Variants in UBE2D2 observed in about 807,000 individuals in gnomAD.
UBE2D2 encodes ubiquitin conjugating enzyme E2 D2, also known as ubiquitin-conjugating enzyme E2 D2.
UBE2D2 carries 2 observed loss-of-function variants against 24.2 expected under a neutral mutation model. The ratio of observed to expected loss-of-function variants is 0.08; its 90% CI spans 0.03 to 0.26. The LOEUF is 0.26. UBE2D2 is among the 10% of genes least tolerant of loss of function. The pLI, the probability that UBE2D2 is intolerant of heterozygous loss-of-function variation, is 1.00. For synonymous variants in UBE2D2, 58 were observed against 56.5 expected (o/e 1.03, Z -0.12); for missense variants, 44 against 177.6 (o/e 0.25, Z 4.28).
rs564452688 is a variant in UBE2D2 at position 139,538,184 on chromosome 5, A to G, written c.-64+11572A>G. On this transcript the variant is annotated intron_variant, in intron 1 of 6. Coordinates refer to the UBE2D2 transcript ENST00000511725. Reference sequence around the variant, plus strand: ...TTTTTAGTGGAGATGGGGTTTTGCCATGTTGGCTAGGCTGGTCTCAAACCC... The same window carrying G: ...TTTTTAGTGGAGATGGGGTTTTGCCGTGTTGGCTAGGCTGGTCTCAAACCC... Among the ~76,000 whole-genome samples the G allele has an allele frequency of 2.3e-4, 35 of 152,116 alleles. No homozygotes were observed. The South Asian group carries it at 4.8e-3, about 21-fold the overall frequency.
intron 1 of UBE2D2, among the ~76,000 whole-genome samples, chr5:139,593,587 A>G (rs546115644): frequency 1.3e-5 from 2 of 152,286 alleles, no homozygotes; most frequent in African/African-American, 4.8e-5. Flanking sequence ...ATAAACACAT[A>G]TGTAACATGT....
chr5:139,591,045 C>T (rs1435113420), intron 1 of UBE2D2, among the ~76,000 whole-genome samples: 2 of 150,514 alleles, frequency 1.3e-5, no homozygotes, highest in Non-Finnish European at 3.0e-5. Context: ...GATCCGCCTG[C>T]CTCAACATCC....
intron 5 of UBE2D2, among the ~76,000 whole-genome samples, chr5:139,616,076 C>G (rs1445300209): frequency 1.3e-5 from 2 of 150,940 alleles, no homozygotes; most frequent in African/African-American, 4.8e-5. Flanking sequence ...CCTTATGATC[C>G]ACCTGCCTCG....
intron 1 of UBE2D2, among the ~76,000 whole-genome samples, chr5:139,555,435 T>C (rs998938047): frequency 2.6e-5 from 4 of 152,076 alleles, no homozygotes; most frequent in African/African-American, 9.7e-5. Flanking sequence ...TGAAAATTAT[T>C]TGGAAATAAT....
At chr5:139,580,576 C>T (rs1367700609) in intron 1 of UBE2D2, among the ~76,000 whole-genome samples, 1 of 152,110 alleles carries the variant, frequency 6.6e-6, no homozygotes, top group Non-Finnish European at 1.5e-5. Context: ...ATTCTCCTGC[C>T]TCTGGGACCA....
chr5:139,601,861 G>T (rs1223003246), intron 2 of UBE2D2, among the ~76,000 whole-genome samples: 1 of 149,454 alleles, frequency 6.7e-6, no homozygotes, highest in Non-Finnish European at 1.5e-5. Context: ...AGTGAGCTGA[G>T]ATTGTGCCAC....
chr5:139,581,564 A>AT (rs774844843), intron 1 of UBE2D2, among the ~76,000 whole-genome samples: 21 of 151,704 alleles, frequency 1.4e-4, no homozygotes, highest in Non-Finnish European at 1.3e-4. Context: ...ATGAAATGAG[A>AT]TATCTTGGGG....
intron 2 of UBE2D2, among the ~76,000 whole-genome samples, chr5:139,604,995 G>A (rs558309681): frequency 6.6e-6 from 1 of 152,168 alleles, no homozygotes; most frequent in East Asian, 1.9e-4. Context: ...TTTGTTATAA[G>A]GAGTCAGAAT....
At chr5:139,611,785 A>G (rs2126698843) in intron 2 of UBE2D2, among the ~76,000 whole-genome samples, 1 of 152,318 alleles carries the variant, frequency 6.6e-6, no homozygotes, top group South Asian at 2.1e-4. Flanking sequence ...TTAATGCTTT[A>G]CATCCTCAAT....
At position 139,581,306 on chromosome 5, in the gene UBE2D2, G is replaced by A. The variant is rs111378420; in HGVS notation, c.25-19066G>A. 8.0e-4 allele frequency among the ~76,000 whole-genome samples: 121 copies of A among 152,094 alleles called. 1 individual carries two copies. Among genetic ancestry groups the A allele is most frequent in the South Asian group, 1.9e-3 (9 of 4,818 alleles). On this transcript the variant is annotated intron_variant, in intron 1 of 6. Coordinates refer to ENST00000398733, the MANE Select transcript of UBE2D2 (RefSeq NM_003339.3). ...TACTAAAAATAACAAAAAATTAGCC[G>A]GGTGCGGTGGTGAGCGCCTGTAATC...
At chr5:139,594,801 C>T (rs1325076647) in intron 1 of UBE2D2, among the ~76,000 whole-genome samples, 7 of 152,138 alleles carry the variant, frequency 4.6e-5, no homozygotes, top group South Asian at 2.1e-4. Context: ...ATTATATATA[C>T]ATTCCTGCCT....
chr5:139,532,358 T>A (rs1752608224), intron 1 of UBE2D2, among the ~76,000 whole-genome samples: 1 of 151,172 alleles, frequency 6.6e-6, no homozygotes, highest in Admixed American at 6.6e-5. Flanking sequence ...TTCGTATTTT[T>A]TTTTTTTTTC....
intron 1 of UBE2D2, among the ~76,000 whole-genome samples, chr5:139,568,611 C>T (rs774750520): frequency 5.3e-5 from 8 of 151,866 alleles, no homozygotes; most frequent in East Asian, 3.9e-4. Context: ...AAGTGGAGAT[C>T]GCGCCGCTGC....
chr5:139,613,938 T>C (rs915638880), intron 2 of UBE2D2, among the ~76,000 whole-genome samples: 1 of 152,098 alleles, frequency 6.6e-6, no homozygotes, highest in Non-Finnish European at 1.5e-5. Flanking sequence ...GGCACTTGCC[T>C]GTAGTCCCAG....
chr5:139,611,175 C>CTTTTTTTTT (rs60626896), intron 2 of UBE2D2, among the ~76,000 whole-genome samples: 5 of 58,790 alleles, frequency 8.5e-5, no homozygotes, highest in African/African-American at 2.7e-4. Flanking sequence ...AGTTTTCCTT[C>CTTTTTTTTT]TTTTTTTTTT....
At position 139,587,327 on chromosome 5, in the gene UBE2D2, G is replaced by A. The variant is rs932633137; in HGVS notation, c.25-13045G>A. On this transcript the variant is annotated intron_variant, in intron 1 of 6. Coordinates refer to ENST00000398733, the MANE Select transcript of UBE2D2 (RefSeq NM_003339.3). ...ATCCGGAGGGATGGAAGTCAGCAGCGGCTCTGCGACAGCAGCAAACAGTAG... is the reference window on the plus strand; with the variant it reads ...ATCCGGAGGGATGGAAGTCAGCAGCAGCTCTGCGACAGCAGCAAACAGTAG... Among the ~76,000 whole-genome samples, 7 of 152,240 alleles carry A rather than the reference G, an allele frequency of 4.6e-5. No homozygotes were observed. In the East Asian group the frequency reaches 1.2e-3, roughly 25 times the overall value.
chr5:139,588,338 C>T (rs1157906598), intron 1 of UBE2D2, among the ~76,000 whole-genome samples: 3 of 150,400 alleles, frequency 2.0e-5, no homozygotes, highest in Non-Finnish European at 3.0e-5. Flanking sequence ...TGCAGTGGCG[C>T]GATCTCAGCT....
intron 1 of UBE2D2, among the ~76,000 whole-genome samples, chr5:139,535,532 G>A (rs1295895843): frequency 6.6e-6 from 1 of 152,146 alleles, no homozygotes; most frequent in South Asian, 2.1e-4. Flanking sequence ...TGGAGGCTGA[G>A]GCGGGAGAAT....
At chr5:139,590,560 G>A (rs1273877358) in intron 1 of UBE2D2, among the ~76,000 whole-genome samples, 3 of 151,612 alleles carry the variant, frequency 2.0e-5, no homozygotes, top group East Asian at 1.9e-4. Context: ...GCCATGTAAC[G>A]CTATCTAAAT....
Sources: gnomAD v4.1 joint callset for allele counts (sites outside exome capture counted in the v4.1 genomes callset) on GRCh38, gnomAD v4.1.1 for gene constraint, MANE v1.5 for transcripts, NCBI Gene and HGNC (gene_info 2026-07-23, HGNC 2026-07-21) for gene names.